The following FSTL4 variants were observed in gnomAD, a reference collection of about 807,000 sequenced individuals.
FSTL4 encodes the protein follistatin like 4.
In FSTL4, 28 loss-of-function variants were observed where a neutral mutation model predicts 78.2. The observed-to-expected ratio is 0.36, with a 90% CI of 0.27 to 0.49. The LOEUF (loss-of-function observed/expected upper bound fraction) is 0.49. Among genes scored for constraint, FSTL4 ranks in the 20% least tolerant of loss-of-function variants. The probability of loss-of-function intolerance (pLI) is 0.98; values close to 1 mark genes in which losing one functional copy is unlikely to be tolerated. For synonymous variants in FSTL4, 422 were observed against 440.5 expected (o/e 0.96, Z 0.53); for missense variants, 922 against 1,084.9 (o/e 0.85, Z 2.11).
rs576215320 is a variant in FSTL4, at chr5:133,602,255, G to C, written c.126+1603C>G. ...AAGACAAAAGCTACCCTGGAGCAGG[G>C]GTTGCAGGGGAGCAAGATAACAACC... On this transcript the variant is annotated intron_variant, in intron 2 of 15. Transcript: ENST00000265342. 6.4e-4 allele frequency among the ~76,000 whole-genome samples: 98 copies of C among 152,208 alleles called. 3 individuals are homozygous for C. In the South Asian group the frequency reaches 0.019, roughly 30 times the overall value.
At chr5:133,228,072 C>T (rs950818323) in intron 8 of FSTL4, among the ~76,000 whole-genome samples, 5 of 151,994 alleles carry the variant, frequency 3.3e-5, no homozygotes, top group African/African-American at 1.2e-4. Flanking sequence ...ATCAAACATA[C>T]AAACATTAGC....
the FSTL4 span, among the ~76,000 whole-genome samples, chr5:133,699,362 C>T: frequency 6.6e-6 from 1 of 152,062 alleles, no homozygotes; most frequent in African/African-American, 2.4e-5. Flanking sequence ...GCTATAAGGA[C>T]CATTTGCATC....
chr5:133,710,940 T>A, the FSTL4 span, among the ~76,000 whole-genome samples: 2 of 152,278 alleles, frequency 1.3e-5, no homozygotes, highest in Admixed American at 6.5e-5. Context: ...GCAGGATGAA[T>A]GAACAAATAT....
chr5:133,342,348 T>G (rs1396224589), intron 4 of FSTL4, among the ~76,000 whole-genome samples: 1 of 151,950 alleles, frequency 6.6e-6, no homozygotes, highest in Admixed American at 6.6e-5. Flanking sequence ...GCAGGGGAAA[T>G]TTTAGCTTGG....
chr5:133,778,541 G>A, the FSTL4 span, among the ~76,000 whole-genome samples: 1 of 152,162 alleles, frequency 6.6e-6, no homozygotes, highest in Non-Finnish European at 1.5e-5. Flanking sequence ...CCCTTACGCT[G>A]AAAAGAGGGT....
chr5:133,753,549 G>A, the FSTL4 span, among the ~76,000 whole-genome samples: 1 of 152,330 alleles, frequency 6.6e-6, no homozygotes, highest in East Asian at 1.9e-4. Context: ...AGCTAAGCCA[G>A]GTGGTAACTC....
At chr5:133,201,819 G>T in intron 15 of FSTL4, 114 bp downstream of exon 15, 3 of 617,172 alleles carry the variant, frequency 4.9e-6, no homozygotes, top group Non-Finnish European at 2.9e-6. Context: ...TCCAAATCCA[G>T]CATGGGAGTG....
chr5:133,698,497 G>A, the FSTL4 span, among the ~76,000 whole-genome samples: 62 of 152,348 alleles, frequency 4.1e-4, no homozygotes, highest in Non-Finnish European at 7.1e-4. Context: ...TTGCTCTTCT[G>A]TCAAACATGA....
At chr5:133,501,408 A>G (rs1758494678) in intron 3 of FSTL4, among the ~76,000 whole-genome samples, 1 of 152,184 alleles carries the variant, frequency 6.6e-6, no homozygotes, top group East Asian at 1.9e-4. Flanking sequence ...TCAGGCACTG[A>G]GTTTCTAGGA....
chr5:133,234,670 G>C (rs1561634394), intron 7 of FSTL4, among the ~76,000 whole-genome samples: 1 of 152,192 alleles, frequency 6.6e-6, no homozygotes, highest in Admixed American at 6.5e-5. Context: ...CAAGGGGGTT[G>C]TGCACTGTCA....
chr5:133,425,543 C>A (rs1561712367), intron 3 of FSTL4, among the ~76,000 whole-genome samples: 1 of 152,224 alleles, frequency 6.6e-6, no homozygotes, highest in Non-Finnish European at 1.5e-5. Flanking sequence ...AATTAGCAGA[C>A]TCTTGTGAGG....
chr5:133,791,396 A>G, the FSTL4 span, among the ~76,000 whole-genome samples: 2 of 151,982 alleles, frequency 1.3e-5, no homozygotes, highest in South Asian at 4.2e-4. Context: ...TATTATATTT[A>G]TTTGTTTATT....
At position 133,199,528 on chromosome 5, in the gene FSTL4, C is replaced by A. The variant is rs149501035; in HGVS notation, c.2096G>T (p.Arg699Leu). 1.2e-6 allele frequency: 2 copies of A among 1,613,930 alleles called. No individual in the cohort carries two copies. Among genetic ancestry groups the A allele is most frequent in the African/African-American group, 2.7e-5 (2 of 74,924 alleles). Residue 699 changes from arginine to leucine, a missense_variant, in exon 16 of 16, where the codon CGC (arginine) becomes CTC (leucine). Transcript: ENST00000265342. The surrounding 1 kb of genome is among the most constrained non-coding windows in gnomAD (Gnocchi z 4.4). Reference protein sequence around the residue: ...TGTPHTSPDGRFIVSAAADSP... With the variant: ...TGTPHTSPDGLFIVSAAADSP... The stretch of plus-strand genomic sequence containing the variant: ...GTCAGCTGCAGCACTGACTATGAAG[C>A]GCCCGTCGGGGGATGTGTGTGGGGT...
the FSTL4 span, among the ~76,000 whole-genome samples, chr5:133,784,674 T>G: frequency 2.0e-5 from 3 of 152,170 alleles, no homozygotes; most frequent in African/African-American, 7.2e-5. Context: ...GAAAAAGATT[T>G]TGCTCTTGCC....
chr5:133,611,675 C>A lies in FSTL4; in HGVS notation c.-11+650G>T, dbSNP rs1761096729. Among the ~76,000 whole-genome samples the A allele has an allele frequency of 2.0e-5, 3 of 152,198 alleles. No individual in the cohort carries two copies. Among genetic ancestry groups the A allele is most frequent in the Admixed American group, 1.3e-4 (2 of 15,286 alleles). ...CGCGGCCGGCTACGCACAAGCAGCG[C>A]CGCAGGCTGCCTGGAGTCGGGTCGT... On this transcript the variant is annotated intron_variant, in intron 1 of 15. Coordinates refer to ENST00000265342, the MANE Select transcript of FSTL4 (RefSeq NM_015082.2). This position sits in a 1 kb window ranked among gnomAD's most constrained non-coding sequence, Gnocchi z 4.9.
At chr5:133,453,231 C>G (rs1757416586) in intron 3 of FSTL4, among the ~76,000 whole-genome samples, 1 of 152,152 alleles carries the variant, frequency 6.6e-6, no homozygotes, top group Non-Finnish European at 1.5e-5. Flanking sequence ...CTGAAGGGCC[C>G]CATTCATGCC....
the FSTL4 span, among the ~76,000 whole-genome samples, chr5:133,627,969 A>G: frequency 6.6e-6 from 1 of 152,146 alleles, no homozygotes; most frequent in South Asian, 2.1e-4. Flanking sequence ...ATTACATTAT[A>G]TAAAACTCAC....
chr5:133,580,342 G>A (rs942759585), intron 2 of FSTL4, among the ~76,000 whole-genome samples: 5 of 152,158 alleles, frequency 3.3e-5, no homozygotes, highest in South Asian at 2.1e-4. Context: ...AGCTCTTGAC[G>A]GGCCTCCTGA....
At chr5:133,371,207 T>C (rs1755290829) in intron 4 of FSTL4, among the ~76,000 whole-genome samples, 1 of 152,192 alleles carries the variant, frequency 6.6e-6, no homozygotes, top group Non-Finnish European at 1.5e-5. Flanking sequence ...TGGGACTTAA[T>C]GGAATGAGCC....
Sources: allele counts gnomAD v4.1 joint callset (sites outside exome capture counted in the v4.1 genomes callset), GRCh38; gene constraint gnomAD v4.1.1; non-coding constraint Gnocchi (gnomAD v3.1); transcripts MANE v1.5; gene names NCBI Gene and HGNC (gene_info 2026-07-23, HGNC 2026-07-21).